MARCHF3: variants seen among roughly 807,000 people sequenced by gnomAD.
MARCHF3 encodes membrane associated ring-CH-type finger 3.
A neutral mutation model predicts 24.2 loss-of-function variants in MARCHF3; 13 were observed. The ratio of observed to expected loss-of-function variants is 0.54; its 90% CI spans 0.35 to 0.85. MARCHF3 has a LOEUF of 0.85. Among genes scored for constraint, MARCHF3 ranks in the 40% least tolerant of loss-of-function variants. MARCHF3 has a pLI of 0.01. For missense variants in MARCHF3, 276 were observed against 325.0 expected (o/e 0.85, Z 1.16); for synonymous variants, 144 against 137.3 (o/e 1.05, Z -0.34).
intron 3 of MARCHF3, among the ~76,000 whole-genome samples, chr5:126,889,328 A>G (rs1753599846): frequency 6.6e-6 from 1 of 152,114 alleles, no homozygotes; most frequent in African/African-American, 2.4e-5. Flanking sequence ...GATAAATAAC[A>G]TGAATATGAA....
At chr5:126,899,671 A>G (rs1754040444) in intron 3 of MARCHF3, among the ~76,000 whole-genome samples, 1 of 152,128 alleles carries the variant, frequency 6.6e-6, no homozygotes, top group Admixed American at 6.6e-5. Context: ...CTTTCCAACT[A>G]GAGTACAAAG....
At chr5:126,888,136 T>C (rs1249396260) in intron 3 of MARCHF3, among the ~76,000 whole-genome samples, 1 of 152,220 alleles carries the variant, frequency 6.6e-6, no homozygotes, top group East Asian at 1.9e-4. Context: ...TGAATATAAC[T>C]GAAATGCATA....
chr5:127,015,370 A>G (rs890979466), intron 1 of MARCHF3, among the ~76,000 whole-genome samples: 1 of 152,178 alleles, frequency 6.6e-6, no homozygotes, highest in Non-Finnish European at 1.5e-5. Flanking sequence ...AGGGAAGATG[A>G]GCAGGGAGGA....
At chr5:126,910,989 T>C (rs1754504351) in intron 3 of MARCHF3, among the ~76,000 whole-genome samples, 2 of 152,204 alleles carry the variant, frequency 1.3e-5, no homozygotes, top group African/African-American at 4.8e-5. Flanking sequence ...AGCCGTCTTT[T>C]ATGGTCGAAG....
intron 3 of MARCHF3, among the ~76,000 whole-genome samples, chr5:126,909,545 G>A (rs112485073): frequency 0.023 from 3,462 of 152,290 alleles, 56 homozygotes; most frequent in Non-Finnish European, 0.027. Context: ...TAAGCCCATC[G>A]GAAAATCGCA....
In MARCHF3 at chr5:126,868,928, C is replaced by G. The variant is rs61424530; in HGVS notation, c.*1705G>C. 19,601 of 152,092 alleles carry G rather than the reference C, an allele frequency of 0.13. 1,426 individuals carry two copies. The highest frequency in any genetic ancestry group is 0.2 in the African/African-American group (8,096 of 41,390). The allele number at this position is 152,092 out of a possible 1,614,324, so 9.4% of individuals were successfully genotyped here. A position where few individuals can be genotyped will look rare whatever the true frequency, so the allele number is the denominator to read the frequency against. On this transcript the variant is annotated 3_prime_UTR_variant, in exon 5 of 5. Coordinates refer to ENST00000308660, the MANE Select transcript of MARCHF3 (RefSeq NM_178450.5). Reference sequence around the variant, plus strand: ...ACAGCCCAGGGGGGTGAGCAGGGCGCAGTAAACAGAAGGGCTGAGACATAT... The same window carrying G: ...ACAGCCCAGGGGGGTGAGCAGGGCGGAGTAAACAGAAGGGCTGAGACATAT...
chr5:126,981,043 C>T (rs567043317), intron 1 of MARCHF3, among the ~76,000 whole-genome samples: 1 of 152,362 alleles, frequency 6.6e-6, no homozygotes, highest in South Asian at 2.1e-4. Flanking sequence ...CTGGTGAGCA[C>T]TGACACACGA....
At position 126,946,788 on chromosome 5, in the gene MARCHF3, GTGTGTGTGTC is replaced by G. The variant is rs1264182945; in HGVS notation, c.-56-28571_-56-28562del. ...TGTGTGTGTGTGTGTGTGTGTGTGT[GTGTGTGTGTC>G]TGTGTGTGTGTGGTGGAGGGGAGGG... On this transcript the variant is annotated intron_variant, in intron 1 of 4. Transcript: ENST00000308660. Among the ~76,000 whole-genome samples, 15 of 151,540 alleles carry G rather than the reference GTGTGTGTGTC, an allele frequency of 9.9e-5. 1 individual carries two copies. In the East Asian group the frequency reaches 2.9e-3, roughly 30 times the overall value.
intron 1 of MARCHF3, among the ~76,000 whole-genome samples, chr5:126,948,715 G>A (rs1750113113): frequency 6.6e-6 from 1 of 152,210 alleles, no homozygotes; most frequent in Non-Finnish European, 1.5e-5. Flanking sequence ...GGAACTTGGT[G>A]ACAGTTACAG....
chr5:126,962,818 T>C (rs1220506311), intron 1 of MARCHF3, among the ~76,000 whole-genome samples: 1 of 86,326 alleles, frequency 1.2e-5, no homozygotes, highest in African/African-American at 4.8e-5. Flanking sequence ...TCAACCTGTG[T>C]GTGTGTGTGT....
At chr5:126,877,925 GTGTC>G (rs1453124734) in intron 4 of MARCHF3, among the ~76,000 whole-genome samples, 2 of 152,176 alleles carry the variant, frequency 1.3e-5, no homozygotes, top group Non-Finnish European at 2.9e-5. Context: ...CGTCCATGGT[GTGTC>G]TGTGTCTTTG....
At chr5:127,000,427 T>G (rs1752089665) in intron 1 of MARCHF3, among the ~76,000 whole-genome samples, 1 of 152,022 alleles carries the variant, frequency 6.6e-6, no homozygotes, top group Admixed American at 6.6e-5. Context: ...GCCAAGGGGG[T>G]TCGAGGTCCC....
At chr5:126,924,117 T>C (rs1749218163) in intron 1 of MARCHF3, among the ~76,000 whole-genome samples, 1 of 152,118 alleles carries the variant, frequency 6.6e-6, no homozygotes, top group Non-Finnish European at 1.5e-5. Flanking sequence ...ACCTAGCACT[T>C]TTCCACAATC....
At chr5:127,014,402 C>T (rs1227922511) in intron 1 of MARCHF3, among the ~76,000 whole-genome samples, 3 of 152,052 alleles carry the variant, frequency 2.0e-5, no homozygotes, top group East Asian at 3.8e-4. Context: ...TATAGAGATT[C>T]CTCAAAAAAC....
At chr5:127,014,863 T>C (rs902460852) in intron 1 of MARCHF3, among the ~76,000 whole-genome samples, 7 of 152,202 alleles carry the variant, frequency 4.6e-5, no homozygotes, top group African/African-American at 1.7e-4. Flanking sequence ...ATTCCAGCTA[T>C]GTAGGTGGAA....
At chr5:126,919,875 G>T (rs1749041907) in intron 1 of MARCHF3, among the ~76,000 whole-genome samples, 1 of 152,196 alleles carries the variant, frequency 6.6e-6, no homozygotes, top group African/African-American at 2.4e-5. Flanking sequence ...CCACAGTGGG[G>T]AGACGGCTGT....
intron 1 of MARCHF3, among the ~76,000 whole-genome samples, chr5:127,008,849 T>C (rs928075036): frequency 6.6e-6 from 1 of 150,952 alleles, no homozygotes; most frequent in African/African-American, 2.4e-5. Flanking sequence ...AGGACAGTTA[T>C]AAACATTCAG....
At position 126,876,803 on chromosome 5, in the gene MARCHF3, C is replaced by T. The variant is rs556125887; in HGVS notation, c.603+1382G>A. ...TAGCTAGTATTACAGACATGCACCACGATGCCCAGCTAATTTTTGTATTTT... is the reference window on the plus strand; with the variant it reads ...TAGCTAGTATTACAGACATGCACCATGATGCCCAGCTAATTTTTGTATTTT... On this transcript the variant is annotated intron_variant, in intron 4 of 4. Transcript: ENST00000308660. Among the ~76,000 whole-genome samples the T allele has an allele frequency of 2.0e-5, 3 of 152,286 alleles. No individual in the cohort carries two copies. In the South Asian group the frequency reaches 6.2e-4, roughly 32 times the overall value.
chr5:126,991,333 G>A (rs913823224), intron 1 of MARCHF3, among the ~76,000 whole-genome samples: 1 of 152,100 alleles, frequency 6.6e-6, no homozygotes, highest in Non-Finnish European at 1.5e-5. Context: ...TCACTCTTAG[G>A]TGGGAACTGA....
Sources: gnomAD v4.1 joint callset for allele counts (sites outside exome capture counted in the v4.1 genomes callset) on GRCh38, gnomAD v4.1.1 for gene constraint, MANE v1.5 for transcripts, NCBI Gene and HGNC (gene_info 2026-07-23, HGNC 2026-07-21) for gene names.